Variants in NRG1 observed in about 807,000 individuals in gnomAD.
NRG1 encodes the protein neuregulin 1.
NRG1 carries 18 observed loss-of-function variants against 63.8 expected under a neutral mutation model. The observed-to-expected ratio is 0.28, with a 90% CI of 0.19 to 0.42. The LOEUF (loss-of-function observed/expected upper bound fraction) is 0.42, where lower values mean the gene tolerates loss of function less well. Ranked by LOEUF, NRG1 falls within the 10% of genes least tolerant of loss-of-function variation. NRG1 has a pLI of 1.00. For synonymous variants in NRG1, 302 were observed against 301.3 expected (o/e 1.00, Z -0.02); for missense variants, 762 against 814.7 (o/e 0.94, Z 0.79).
At chr8:31,963,472 G>A (rs1805806457) in intron 1 of NRG1, among the ~76,000 whole-genome samples, 1 of 152,066 alleles carries the variant, frequency 6.6e-6, no homozygotes, top group Non-Finnish European at 1.5e-5. Flanking sequence ...CGGGTATAAG[G>A]CACTGATATG....
chr8:31,791,048 A>G (rs1190001101), intron 1 of NRG1, among the ~76,000 whole-genome samples: 2 of 151,994 alleles, frequency 1.3e-5, no homozygotes, highest in Non-Finnish European at 2.9e-5. Flanking sequence ...TGTCCCTACT[A>G]TAATAGAAAA....
At chr8:32,472,257 A>G (rs1823941493) in intron 1 of NRG1, among the ~76,000 whole-genome samples, 1 of 152,054 alleles carries the variant, frequency 6.6e-6, no homozygotes, top group Non-Finnish European at 1.5e-5. Context: ...TGCAACCTCT[A>G]CCCCTGGGTT....
At chr8:32,207,285 A>G (rs1844169018) in intron 1 of NRG1, among the ~76,000 whole-genome samples, 1 of 152,172 alleles carries the variant, frequency 6.6e-6, no homozygotes, top group South Asian at 2.1e-4. Flanking sequence ...CAAAACAAGT[A>G]TTATATTGGT....
intron 1 of NRG1, among the ~76,000 whole-genome samples, chr8:31,984,948 G>A (rs1809800411): frequency 6.6e-6 from 1 of 152,114 alleles, no homozygotes; most frequent in Non-Finnish European, 1.5e-5. Context: ...AAGAAAAGAA[G>A]TATTTCTTAC....
intron 1 of NRG1, among the ~76,000 whole-genome samples, chr8:31,917,643 G>A (rs1833518649): frequency 6.6e-6 from 1 of 152,154 alleles, no homozygotes; most frequent in South Asian, 2.1e-4. Flanking sequence ...GTAACGTGAT[G>A]CCTCCAGCTT....
intron 1 of NRG1, among the ~76,000 whole-genome samples, chr8:32,079,257 G>T (rs772948002): frequency 5.1e-4 from 77 of 151,874 alleles, no homozygotes; most frequent in South Asian, 8.3e-4. Context: ...TTTGTGGTTA[G>T]TACTACATTT....
chr8:32,601,875 G>GT (rs150984125), intron 2 of NRG1, among the ~76,000 whole-genome samples: 11,708 of 151,596 alleles, frequency 0.077, 494 homozygotes, highest in Admixed American at 0.1. Flanking sequence ...AGTACATAAG[G>GT]TTTTTTTTGT....
chr8:32,597,653 G>A (rs1338703955), intron 2 of NRG1, among the ~76,000 whole-genome samples: 1 of 152,070 alleles, frequency 6.6e-6, no homozygotes, highest in Non-Finnish European at 1.5e-5. Context: ...GGTCAAAAAA[G>A]TGTTCTGCTT....
At position 31,640,343 on chromosome 8, in the gene NRG1, C is replaced by T. The variant is rs1015231238; in HGVS notation, c.37+912C>T. The T allele has an allele frequency of 2.5e-6, 3 of 1,196,222 alleles. No individual in the cohort carries two copies. The highest frequency in any genetic ancestry group is 3.2e-5 in the African/African-American group (2 of 62,584). 74.1% of individuals were successfully genotyped at this position (1,196,222 alleles called of 1,614,324 possible). ...GGCGGCGATCGCGAGCCGCCAGCCG[C>T]GGGCCCACGGGCGCTGGGGCCGCCC... On this transcript the variant is annotated intron_variant, in intron 1 of 10. Transcript: ENST00000519301. This position sits in a 1 kb window ranked among gnomAD's most constrained non-coding sequence, Gnocchi z 6.3.
At chr8:32,676,762 A>C (rs1339315326) in intron 5 of NRG1, among the ~76,000 whole-genome samples, 2 of 152,152 alleles carry the variant, frequency 1.3e-5, no homozygotes, top group African/African-American at 4.8e-5. Context: ...TAGTCAGTGC[A>C]GTCATCCCAG....
intron 1 of NRG1, among the ~76,000 whole-genome samples, chr8:32,347,742 A>G (rs1451713387): frequency 2.6e-5 from 4 of 152,228 alleles, no homozygotes; most frequent in Non-Finnish European, 4.4e-5. Flanking sequence ...CATTAAATAA[A>G]TCGAGAAGGG....
chr8:31,780,652 C>T (rs1344322256), intron 1 of NRG1, among the ~76,000 whole-genome samples: 2 of 152,168 alleles, frequency 1.3e-5, no homozygotes, highest in East Asian at 3.9e-4. Context: ...AGGTTCCTGC[C>T]ATTTTAACTT....
At chr8:32,267,140 G>GGAAGGAAGGAGAAA (rs1179856353) in intron 1 of NRG1, among the ~76,000 whole-genome samples, 5 of 147,660 alleles carry the variant, frequency 3.4e-5, no homozygotes, top group Non-Finnish European at 6.0e-5. Flanking sequence ...GGAGAAAGAA[G>GGAAGGAAGGAGAAA]GAAGGAAGGA....
intron 1 of NRG1, among the ~76,000 whole-genome samples, chr8:32,121,684 G>A (rs923032140): frequency 8.6e-5 from 13 of 151,972 alleles, no homozygotes; most frequent in Admixed American, 3.3e-4. Context: ...TTTTGAGACC[G>A]TAATAAGAAC....
chr8:32,143,316 G>GA (rs1836501818), intron 1 of NRG1, among the ~76,000 whole-genome samples: 1 of 152,018 alleles, frequency 6.6e-6, no homozygotes, highest in Non-Finnish European at 1.5e-5. Context: ...TAGAATGTAT[G>GA]AAAAAATCAA....
At chr8:32,375,135 A>T (rs10108099) in intron 1 of NRG1, among the ~76,000 whole-genome samples, 20,580 of 133,676 alleles carry the variant, frequency 0.15, 1,650 homozygotes, top group Middle Eastern at 0.24. Flanking sequence ...GGCACACACC[A>T]CCACACCTGG....
intron 1 of NRG1, among the ~76,000 whole-genome samples, chr8:31,862,277 G>A (rs930444460): frequency 8.5e-5 from 13 of 152,086 alleles, no homozygotes; most frequent in Non-Finnish European, 1.8e-4. Context: ...GGAGAGATGG[G>A]TAAGGAAACA....
chr8:31,698,776 A>G lies in NRG1; in HGVS notation c.37+59345A>G, dbSNP rs140124651. Among the ~76,000 whole-genome samples the G allele has an allele frequency of 4.6e-3, 696 of 152,358 alleles. 9 individuals are homozygous for G. Among genetic ancestry groups the G allele is most frequent in the African/African-American group, 0.016 (651 of 41,586 alleles). ...CTAAAGATGAAAGAAAGAAGTGGAA[A>G]CATTTATTCACTTGTAATGTTAATA... On this transcript the variant is annotated intron_variant, in intron 1 of 10. Transcript: ENST00000519301.
chr8:31,639,838 C>T, intron 1 of NRG1: 1 of 1,161,156 alleles, frequency 8.6e-7, no homozygotes, highest in Non-Finnish European at 1.1e-6. Context: ...ACTCTCCTAC[C>T]CCTGCACCCC....
Sources: gnomAD v4.1 joint callset for allele counts (sites outside exome capture counted in the v4.1 genomes callset) on GRCh38, gnomAD v4.1.1 for gene constraint, Gnocchi (gnomAD v3.1) non-coding constraint, MANE v1.5 for transcripts, NCBI Gene and HGNC (gene_info 2026-07-23, HGNC 2026-07-21) for gene names.